Variants in HPSE2 observed in about 807,000 individuals in gnomAD.
The protein encoded by HPSE2 is inactive heparanase-2.
A neutral mutation model predicts 60.5 loss-of-function variants in HPSE2; 38 were observed. The ratio of observed to expected loss-of-function variants is 0.63; its 90% CI spans 0.48 to 0.82. The LOEUF (loss-of-function observed/expected upper bound fraction) is 0.82. Ranked by LOEUF, HPSE2 falls within the 40% of genes least tolerant of loss-of-function variation. The pLI is 0.00. For synonymous variants in HPSE2, 295 were observed against 293.2 expected (o/e 1.01, Z -0.06); for missense variants, 713 against 740.4 (o/e 0.96, Z 0.43).
At chr10:98,842,745 G>A (rs190254985) in intron 3 of HPSE2, among the ~76,000 whole-genome samples, 64 of 152,018 alleles carry the variant, frequency 4.2e-4, no homozygotes, top group African/African-American at 1.3e-3. Flanking sequence ...TTCACTCTTC[G>A]TGTAGTACAT....
At chr10:99,136,231 A>C (rs1365393947) in intron 3 of HPSE2, among the ~76,000 whole-genome samples, 1 of 152,224 alleles carries the variant, frequency 6.6e-6, no homozygotes, top group Non-Finnish European at 1.5e-5. Flanking sequence ...AAGTTCGGAA[A>C]TTGAAGCAGT....
chr10:98,933,801 G>A lies in HPSE2; in HGVS notation c.611-189745C>T, dbSNP rs532974712. Among the ~76,000 whole-genome samples, 31 of 137,470 alleles carry A rather than the reference G, an allele frequency of 2.3e-4. 3 individuals are homozygous for A. Among genetic ancestry groups the A allele is most frequent in the Admixed American group, 5.1e-4 (7 of 13,720 alleles). 90.2% of individuals were successfully genotyped at this position (137,470 alleles called of 152,430 possible). A position where few individuals can be genotyped will look rare whatever the true frequency, so the allele number is the denominator to read the frequency against. ...GGCTGGAGTGCAACAGTGTGATCTC[G>A]GCTCACTGCAAGCTCCGCCTCCTGG... is the stretch of plus-strand genomic sequence containing the variant. On this transcript the variant is annotated intron_variant, in intron 3 of 11. Transcript: ENST00000370552.
At chr10:99,044,166 A>C (rs995542067) in intron 3 of HPSE2, among the ~76,000 whole-genome samples, 1 of 152,238 alleles carries the variant, frequency 6.6e-6, no homozygotes, top group East Asian at 1.9e-4. Context: ...TCTCAGCAGA[A>C]ACCTTAAAAG....
intron 3 of HPSE2, among the ~76,000 whole-genome samples, chr10:98,795,266 G>A (rs1950754118): frequency 6.6e-6 from 1 of 152,192 alleles, no homozygotes; most frequent in African/African-American, 2.4e-5. Context: ...CTGAAAAGAG[G>A]CATTGAAGAG....
chr10:98,882,396 T>C (rs1318129931), intron 3 of HPSE2, among the ~76,000 whole-genome samples: 2 of 152,116 alleles, frequency 1.3e-5, no homozygotes, highest in Non-Finnish European at 2.9e-5. Flanking sequence ...AACAATATTT[T>C]TTTTTTCTCA....
At chr10:99,262,603 G>T in the HPSE2 span, among the ~76,000 whole-genome samples, 1 of 152,030 alleles carries the variant, frequency 6.6e-6, no homozygotes, top group Non-Finnish European at 1.5e-5. Context: ...TGCTTTAAAA[G>T]GATTAAAGCC....
chr10:98,887,821 A>G (rs1221886857), intron 3 of HPSE2, among the ~76,000 whole-genome samples: 2 of 152,038 alleles, frequency 1.3e-5, no homozygotes, highest in African/African-American at 4.8e-5. Context: ...GGTGAAAACA[A>G]TATGACACAG....
intron 3 of HPSE2, among the ~76,000 whole-genome samples, chr10:99,077,189 A>C (rs1045880446): frequency 6.6e-6 from 1 of 151,936 alleles, no homozygotes; most frequent in South Asian, 2.1e-4. Flanking sequence ...CTTGGTGTGG[A>C]TGTCTTTGGA....
chr10:98,489,925 T>C (rs1941580821), intron 10 of HPSE2, 126 bp downstream of exon 10: 7 of 993,574 alleles, frequency 7.0e-6, no homozygotes, highest in South Asian at 1.3e-5. Context: ...AGAGCAGGTA[T>C]GGTGATTCCA....
In HPSE2 at chr10:98,892,938, C is replaced by T. The variant is rs549375080; in HGVS notation, c.611-148882G>A. Among the ~76,000 whole-genome samples the T allele has an allele frequency of 1.2e-3, 178 of 152,274 alleles. 2 individuals carry two copies. Among genetic ancestry groups the T allele is most frequent in the African/African-American group, 4.1e-3 (170 of 41,568 alleles). On this transcript the variant is annotated intron_variant, in intron 3 of 11. Coordinates refer to ENST00000370552, the MANE Select transcript of HPSE2 (RefSeq NM_021828.5). ...AACAGGAGGGCAGCTAACTGGGGTACCTACAAATGCCATACACTGGTCTGA... is the reference window on the plus strand; with the variant it reads ...AACAGGAGGGCAGCTAACTGGGGTATCTACAAATGCCATACACTGGTCTGA...
chr10:99,104,270 A>C (rs1844145011), intron 3 of HPSE2, among the ~76,000 whole-genome samples: 1 of 152,192 alleles, frequency 6.6e-6, no homozygotes, highest in South Asian at 2.1e-4. Context: ...TCTACAAAGA[A>C]CTCAAACAAA....
chr10:98,930,948 G>T (rs1220491319), intron 3 of HPSE2, among the ~76,000 whole-genome samples: 1 of 144,086 alleles, frequency 6.9e-6, no homozygotes, highest in Non-Finnish European at 1.5e-5. Context: ...AGTTTCATTT[G>T]CTGTGAAGAA....
chr10:99,118,156 T>C (rs1239229132), intron 3 of HPSE2, among the ~76,000 whole-genome samples: 2 of 152,108 alleles, frequency 1.3e-5, no homozygotes, highest in Non-Finnish European at 2.9e-5. Flanking sequence ...ATTATCTCAA[T>C]AGACGCAGGA....
intron 4 of HPSE2, among the ~76,000 whole-genome samples, chr10:98,723,133 T>C (rs370858598): frequency 7.2e-5 from 11 of 152,166 alleles, no homozygotes; most frequent in African/African-American, 1.7e-4. Flanking sequence ...TTTTGAGATA[T>C]GTCCCATCAA....
chr10:99,118,734 G>T (rs187926134), intron 3 of HPSE2, among the ~76,000 whole-genome samples: 1 of 151,744 alleles, frequency 6.6e-6, no homozygotes, highest in Non-Finnish European at 1.5e-5. Context: ...AGGGCATCCC[G>T]GGCCGAGTGT....
intron 2 of HPSE2, among the ~76,000 whole-genome samples, chr10:99,188,153 T>C (rs1039472588): frequency 9.9e-5 from 15 of 152,084 alleles, no homozygotes; most frequent in Non-Finnish European, 1.8e-4. Flanking sequence ...ACATTCAACA[T>C]AATAATACTT....
At chr10:99,182,560 A>G (rs1270624283) in intron 2 of HPSE2, among the ~76,000 whole-genome samples, 1 of 152,192 alleles carries the variant, frequency 6.6e-6, no homozygotes, top group East Asian at 1.9e-4. Flanking sequence ...TTATTTTATG[A>G]TGGAATTATA....
At chr10:99,127,860 T>C (rs1316494001) in intron 3 of HPSE2, among the ~76,000 whole-genome samples, 6 of 151,936 alleles carry the variant, frequency 3.9e-5, no homozygotes, top group Non-Finnish European at 8.8e-5. Flanking sequence ...AACAAAATAA[T>C]TGTCAGCCAA....
At chr10:98,605,351 T>G (rs187307621) in intron 9 of HPSE2, among the ~76,000 whole-genome samples, 2 of 152,322 alleles carry the variant, frequency 1.3e-5, no homozygotes, top group East Asian at 3.9e-4. Context: ...ATTGTAAACA[T>G]GGAGAGAAGG....
Sources: allele counts gnomAD v4.1 joint callset (sites outside exome capture counted in the v4.1 genomes callset), GRCh38; gene constraint gnomAD v4.1.1; transcripts MANE v1.5; gene names NCBI Gene and HGNC (gene_info 2026-07-23, HGNC 2026-07-21).